Variants in TMEM108 observed in about 807,000 individuals in gnomAD.
TMEM108 encodes the protein cancer/testis antigen 124.
In TMEM108, 12 loss-of-function variants were observed where a neutral mutation model predicts 35.1. The ratio of observed to expected loss-of-function variants is 0.34; its 90% CI spans 0.22 to 0.55. The LOEUF is 0.55. TMEM108 is among the 20% of genes least tolerant of loss of function. The pLI, the probability that TMEM108 is intolerant of heterozygous loss-of-function variation, is 0.89. For missense variants in TMEM108, 680 were observed against 753.3 expected (o/e 0.90, Z 1.14); for synonymous variants, 287 against 308.6 (o/e 0.93, Z 0.73).
intron 2 of TMEM108, among the ~76,000 whole-genome samples, chr3:133,135,297 T>A (rs1944549826): frequency 6.6e-6 from 1 of 152,162 alleles, no homozygotes; most frequent in Admixed American, 6.5e-5. Flanking sequence ...CAATATGTAA[T>A]TGCAATGTAA....
In TMEM108 at chr3:133,285,796, G is replaced by A. The variant is rs552805938; in HGVS notation, c.40+56445G>A. Among the ~76,000 whole-genome samples, 374 of 152,280 alleles carry A rather than the reference G, an allele frequency of 2.5e-3. 1 individual carries two copies. Among genetic ancestry groups the A allele is most frequent in the African/African-American group, 8.5e-3 (354 of 41,556 alleles). ...TGCCTGCCTCCAGACTGGGCGCCCA[G>A]CTGCTTCAGCCCCCATCACTGCTTT... On this transcript the variant is annotated intron_variant, in intron 3 of 5. Transcript: ENST00000321871.
chr3:133,225,277 A>G (rs544016381), intron 2 of TMEM108, among the ~76,000 whole-genome samples: 3 of 151,972 alleles, frequency 2.0e-5, no homozygotes, highest in Admixed American at 6.5e-5. Flanking sequence ...CGATCTCCTG[A>G]CCTCGTGATC....
chr3:133,168,075 A>G lies in TMEM108; in HGVS notation c.-46-61191A>G, dbSNP rs534240898. On this transcript the variant is annotated intron_variant, in intron 2 of 5. Transcript: ENST00000321871. Reference sequence around the variant, plus strand: ...TCTTATGATCTCTGTTTTGACATTAATGCTGGCCAGTTGTGTCTAAACTGA... The same window carrying G: ...TCTTATGATCTCTGTTTTGACATTAGTGCTGGCCAGTTGTGTCTAAACTGA... 9.9e-5 allele frequency among the ~76,000 whole-genome samples: 15 copies of G among 152,226 alleles called. No homozygotes were observed. The South Asian group carries it at 2.5e-3, about 25-fold the overall frequency.
At chr3:133,181,397 T>A (rs1321225171) in intron 2 of TMEM108, among the ~76,000 whole-genome samples, 2 of 152,216 alleles carry the variant, frequency 1.3e-5, no homozygotes, top group Non-Finnish European at 2.9e-5. Flanking sequence ...ATGAACTTCT[T>A]TTCCATATCA....
intron 2 of TMEM108, among the ~76,000 whole-genome samples, chr3:133,120,077 T>C (rs369142945): frequency 1.3e-5 from 2 of 152,216 alleles, no homozygotes; most frequent in African/African-American, 4.8e-5. Flanking sequence ...CTTCTTCTTC[T>C]AAAAACTTTA....
At chr3:133,221,292 A>G (rs1945986333) in intron 2 of TMEM108, among the ~76,000 whole-genome samples, 1 of 152,062 alleles carries the variant, frequency 6.6e-6, no homozygotes, top group African/African-American at 2.4e-5. Context: ...TTGCCTCATT[A>G]GAAAAAAAGA....
At chr3:133,043,617 T>A (rs1333776818) in intron 1 of TMEM108, among the ~76,000 whole-genome samples, 1 of 152,154 alleles carries the variant, frequency 6.6e-6, no homozygotes, top group East Asian at 1.9e-4. Context: ...AGAGGCTCCC[T>A]TCTCCCCCAA....
intron 3 of TMEM108, among the ~76,000 whole-genome samples, chr3:133,279,041 T>C (rs146736134): frequency 6.6e-6 from 1 of 152,366 alleles, no homozygotes; most frequent in East Asian, 1.9e-4. Context: ...GGGGGCTTAC[T>C]TAAAACCAGG....
At chr3:133,229,400 A>G (rs1265740933) in intron 3 of TMEM108, 49 bp downstream of exon 3, 26 of 1,583,614 alleles carry the variant, frequency 1.6e-5, no homozygotes, top group Non-Finnish European at 2.2e-5. Context: ...TAATGTTATT[A>G]TTTGCTGGGT....
intron 2 of TMEM108, chr3:133,119,269 TC>T (rs1240335053): frequency 6.6e-6 from 1 of 151,730 alleles, no homozygotes; most frequent in African/African-American, 2.4e-5. Context: ...GAGTAGGCAC[TC>T]CCCTCCACCC....
chr3:133,058,573 C>A (rs1460587261), intron 2 of TMEM108, among the ~76,000 whole-genome samples: 1 of 152,174 alleles, frequency 6.6e-6, no homozygotes, highest in African/African-American at 2.4e-5. Flanking sequence ...GGCCCTATTG[C>A]CCTGGTTGGA....
At chr3:133,155,667 C>T (rs928930916) in intron 2 of TMEM108, among the ~76,000 whole-genome samples, 1 of 152,036 alleles carries the variant, frequency 6.6e-6, no homozygotes, top group Non-Finnish European at 1.5e-5. Context: ...TTGAAAAGGG[C>T]CTGTTCATAT....
chr3:133,310,530 C>CTTTTTTTTTTTTTTTTTTTTT lies in TMEM108; in HGVS notation c.41-69213_41-69193dup, dbSNP rs59215786. 6.7e-4 allele frequency among the ~76,000 whole-genome samples: 15 copies of CTTTTTTTTTTTTTTTTTTTTT among 22,252 alleles called. 6 individuals carry two copies. Among genetic ancestry groups the CTTTTTTTTTTTTTTTTTTTTT allele is most frequent in the East Asian group, 2.5e-3 (1 of 400 alleles). The allele number at this position is 22,252 out of a possible 152,430, so 14.6% of individuals were successfully genotyped here. On this transcript the variant is annotated intron_variant, in intron 3 of 5. Coordinates refer to ENST00000321871, the MANE Select transcript of TMEM108 (RefSeq NM_023943.4). ...TCAGAGACTAGGATTGCAACCCCTG[C>CTTTTTTTTTTTTTTTTTTTTT]TTTTTTTTTTTTTTTTTTTTTTTTT...
At chr3:133,176,140 C>T (rs1230614455) in intron 2 of TMEM108, among the ~76,000 whole-genome samples, 3 of 152,214 alleles carry the variant, frequency 2.0e-5, no homozygotes, top group Non-Finnish European at 4.4e-5. Context: ...AATACATATG[C>T]ACCCAATACA....
chr3:133,172,103 T>G (rs1194787240), intron 2 of TMEM108, among the ~76,000 whole-genome samples: 1 of 152,184 alleles, frequency 6.6e-6, no homozygotes, highest in African/African-American at 2.4e-5. Context: ...CTCTAAGGTT[T>G]TTGCATTTAA....
chr3:133,288,374 C>A (rs1947014180), intron 3 of TMEM108, among the ~76,000 whole-genome samples: 1 of 152,198 alleles, frequency 6.6e-6, no homozygotes, highest in African/African-American at 2.4e-5. Context: ...ATATTTCTAC[C>A]CAGAACAAAG....
intron 3 of TMEM108, among the ~76,000 whole-genome samples, chr3:133,342,233 G>C (rs902129033): frequency 2.0e-5 from 3 of 151,084 alleles, no homozygotes; most frequent in Admixed American, 6.6e-5. Context: ...TATCTGAATG[G>C]GTATTTCTCA....
intron 2 of TMEM108, among the ~76,000 whole-genome samples, chr3:133,171,014 G>A (rs918281975): frequency 1.1e-4 from 16 of 152,138 alleles, no homozygotes; most frequent in African/African-American, 3.6e-4. Flanking sequence ...AAGGCAAGCT[G>A]GTCATGAGTA....
intron 2 of TMEM108, among the ~76,000 whole-genome samples, chr3:133,070,025 G>C (rs1034351874): frequency 6.6e-6 from 1 of 152,092 alleles, no homozygotes; most frequent in African/African-American, 2.4e-5. Context: ...TCATGGCTCA[G>C]TACCATACAT....
Sources: allele counts gnomAD v4.1 joint callset (sites outside exome capture counted in the v4.1 genomes callset), GRCh38; gene constraint gnomAD v4.1.1; transcripts MANE v1.5; gene names NCBI Gene and HGNC (gene_info 2026-07-23, HGNC 2026-07-21).